SALL4: variants seen among roughly 807,000 people sequenced by gnomAD.
SALL4 encodes spalt like transcription factor 4, also known as sal-like protein 4.
Under a neutral mutation model 60.8 loss-of-function variants are expected in SALL4, and 4 were observed. The ratio of observed to expected loss-of-function variants is 0.07; its 90% CI spans 0.03 to 0.15. The LOEUF is 0.15. SALL4 is among the 10% of genes least tolerant of loss of function. SALL4 has a pLI of 1.00. For missense variants in SALL4, 1,178 were observed against 1,394.7 expected (o/e 0.84, Z 2.48); for synonymous variants, 580 against 574.9 (o/e 1.01, Z -0.13).
chr20:51,792,611 C>T, intron 1 of SALL4: 1 of 578,300 alleles, frequency 1.7e-6, no homozygotes, highest in Admixed American at 3.6e-5. Flanking sequence ...ATTGCTTGAA[C>T]CCAGGAGGCA....
rs2077970672 is a variant in SALL4, at chr20:51,783,857, C to G, written c.*408G>C. Reference sequence around the variant, plus strand: ...CCAACATGGTGAAACCCAGTCTCTACTCAAAATACAAAATTAGCCGGGCGT... The same window carrying G: ...CCAACATGGTGAAACCCAGTCTCTAGTCAAAATACAAAATTAGCCGGGCGT... On this transcript the variant is annotated 3_prime_UTR_variant, in exon 4 of 4. Transcript: ENST00000217086. 1.2e-5 allele frequency: 3 copies of G among 258,656 alleles called. No homozygotes were observed. The South Asian group carries it at 1.4e-4, about 12-fold the overall frequency. 16.0% of individuals were successfully genotyped at this position (258,656 alleles called of 1,614,324 possible).
At position 51,788,821 on chromosome 20, in the gene SALL4, T is replaced by C. The variant is rs370812128; in HGVS notation, c.2742+40A>G. ...CTTGTGCCAATAAGAAGACACCTGG[T>C]GCCTAGCCCCCATCCTGCTGAAAGC... On this transcript the variant is annotated intron_variant, in intron 3 of 3. Transcript: ENST00000217086. The surrounding 1 kb of genome is among the most constrained non-coding windows in gnomAD (Gnocchi z 4.1). 1.2e-6 allele frequency: 2 copies of C among 1,610,358 alleles called. No individual in the cohort carries two copies. The highest frequency in any genetic ancestry group is 2.7e-5 in the African/African-American group (2 of 74,918).
chr20:51,798,317 C>CT (rs1240535543), intron 1 of SALL4, among the ~76,000 whole-genome samples: 1 of 151,874 alleles, frequency 6.6e-6, no homozygotes, highest in Non-Finnish European at 1.5e-5. Context: ...CTTCTGTTTG[C>CT]TTCCAAGGTT....
intron 1 of SALL4, among the ~76,000 whole-genome samples, chr20:51,793,880 G>C (rs1342770952): frequency 2.0e-5 from 3 of 151,936 alleles, no homozygotes; most frequent in African/African-American, 7.3e-5. Flanking sequence ...GCTGGGGGTG[G>C]GTCAGGGGAA....
rs984320519 is a variant in SALL4, at chr20:51,801,109, G to A, written c.130+1170C>T. Among the ~76,000 whole-genome samples the A allele has an allele frequency of 6.6e-6, 1 of 152,032 alleles. No individual in the cohort carries two copies. Among genetic ancestry groups the A allele is most frequent in the Non-Finnish European group, 1.5e-5 (1 of 68,034 alleles). ...AGCGACGAACAAGGCCGGAGAGGAG[G>A]CTACAAATCCCCCCTCCCCCCACGC... is the stretch of plus-strand genomic sequence containing the variant. On this transcript the variant is annotated intron_variant, in intron 1 of 3. Coordinates refer to ENST00000217086, the MANE Select transcript of SALL4 (RefSeq NM_020436.5). This position sits in a 1 kb window ranked among gnomAD's most constrained non-coding sequence, Gnocchi z 5.2.
chr20:51,784,160 A>G lies in SALL4; in HGVS notation c.*105T>C, dbSNP rs370274295. 8 of 1,321,458 alleles carry G rather than the reference A, an allele frequency of 6.1e-6. No homozygotes were observed. The highest frequency in any genetic ancestry group is 2.9e-5 in the African/African-American group (2 of 69,198). The allele number at this position is 1,321,458 out of a possible 1,614,324, so 81.9% of individuals were successfully genotyped here. On this transcript the variant is annotated 3_prime_UTR_variant, in exon 4 of 4. Coordinates refer to ENST00000217086, the MANE Select transcript of SALL4 (RefSeq NM_020436.5). ...AACCAACGTAGTAAACATCATTTGCATATCAGTAAGAAAAAGAAAACAGGA... is the reference window on the plus strand; with the variant it reads ...AACCAACGTAGTAAACATCATTTGCGTATCAGTAAGAAAAAGAAAACAGGA...
intron 1 of SALL4, among the ~76,000 whole-genome samples, chr20:51,800,680 T>G (rs2078104049): frequency 6.6e-6 from 1 of 152,118 alleles, no homozygotes; most frequent in African/African-American, 2.4e-5. Context: ...TTAACCCTTT[T>G]GTTCCAGGTG....
rs149412142 is a variant in SALL4, at chr20:51,784,497, T to C, written c.2930A>G (p.Asn977Ser). The change falls in exon 4 of 4, where the codon AAT becomes AGT. Residue 977 changes from asparagine to serine, a missense_variant. This residue lies in a region of SALL4 where 174 missense variants were observed against 169.6 expected (regional missense o/e 1.03). Transcript: ENST00000217086. Reference sequence around the variant, plus strand: ...ATTGGTCTTCACGGCCAGACCGCCATTGAGCATGCTGGTGTACTGGTTCCA... The same window carrying C: ...ATTGGTCTTCACGGCCAGACCGCCACTGAGCATGCTGGTGTACTGGTTCCA... ...VVWNQYTSMLNGGLAVKTNEI... is the reference protein window; with the variant it reads ...VVWNQYTSMLSGGLAVKTNEI... 9 of 1,614,156 alleles carry C rather than the reference T, an allele frequency of 5.6e-6. No individual in the cohort carries two copies. Among genetic ancestry groups the C allele is most frequent in the South Asian group, 2.2e-5 (2 of 91,070 alleles).
In SALL4 at chr20:51,801,776, A is replaced by T. The variant is rs370056007; in HGVS notation, c.130+503T>A. 9.9e-5 allele frequency among the ~76,000 whole-genome samples: 15 copies of T among 151,802 alleles called. 2 individuals carry two copies. Among genetic ancestry groups the T allele is most frequent in the East Asian group, 2.0e-4 (1 of 5,064 alleles). ...GGCCCGGGAGGGGCGCGTGCAACAG[A>T]TCGTCCTCCTCCGGGGGGTCTTCCA... On this transcript the variant is annotated intron_variant, in intron 1 of 3. Coordinates refer to ENST00000217086, the MANE Select transcript of SALL4 (RefSeq NM_020436.5). The surrounding 1 kb of genome is among the most constrained non-coding windows in gnomAD (Gnocchi z 5.2).
At chr20:51,787,746 A>C (rs546667922) in intron 3 of SALL4, among the ~76,000 whole-genome samples, 1 of 151,954 alleles carries the variant, frequency 6.6e-6, no homozygotes, top group African/African-American at 2.4e-5. Context: ...GGGTCAAGTG[A>C]TCCTCGCACC....
At chr20:51,793,994 C>G (rs1268049504) in intron 1 of SALL4, among the ~76,000 whole-genome samples, 1 of 152,082 alleles carries the variant, frequency 6.6e-6, no homozygotes, top group Non-Finnish European at 1.5e-5. Context: ...ATAGGCAAGT[C>G]GGCACACCCC....
intron 2 of SALL4, 48 bp from the exon 3 acceptor site, chr20:51,789,189 ATTCT>A: frequency 6.2e-7 from 1 of 1,603,316 alleles, no homozygotes; most frequent in African/African-American, 1.3e-5. Flanking sequence ...TCCAACCTTC[ATTCT>A]TTCTCTTCAA....
At chr20:51,793,994 C>T (rs1268049504) in intron 1 of SALL4, among the ~76,000 whole-genome samples, 1 of 152,082 alleles carries the variant, frequency 6.6e-6, no homozygotes, top group African/African-American at 2.4e-5. Context: ...ATAGGCAAGT[C>T]GGCACACCCC....
Position 51,792,012 on chromosome 20 carries a change from T to C in SALL4, c.471A>G (p.Thr157=), listed in dbSNP as rs767363501. The change falls in exon 2 of 4, where the codon ACA becomes ACG. Residue 157 remains threonine (T), a synonymous_variant. Transcript: ENST00000217086. The part of the protein sequence containing the change: ...PDAESVVYLK[T]ETALPPTPQD... ...GGGGGGTGGGTGGCAGGGCTGTCTC[T>C]GTCTTTAGGTACACCACAGACTCCG... 3.1e-6 allele frequency: 5 copies of C among 1,614,176 alleles called. No individual in the cohort carries two copies. Among genetic ancestry groups the C allele is most frequent in the Non-Finnish European group, 4.2e-6 (5 of 1,180,022 alleles).
intron 3 of SALL4, among the ~76,000 whole-genome samples, chr20:51,786,887 G>C (rs1268105867): frequency 6.6e-6 from 1 of 152,072 alleles, no homozygotes. Context: ...CTGAGGTCAG[G>C]AGTTTGAGAC....
chr20:51,794,714 A>T (rs1385239034), intron 1 of SALL4, among the ~76,000 whole-genome samples: 2 of 152,052 alleles, frequency 1.3e-5, no homozygotes, highest in African/African-American at 4.8e-5. Context: ...TATATTAACA[A>T]CTCTGAAATA....
chr20:51,799,852 G>C (rs192768135), intron 1 of SALL4, among the ~76,000 whole-genome samples: 67 of 152,244 alleles, frequency 4.4e-4, no homozygotes, highest in African/African-American at 1.6e-3. Context: ...ATCGCCAGAC[G>C]TCATTTTCCT....
intron 1 of SALL4, among the ~76,000 whole-genome samples, chr20:51,802,038 T>C (rs2078113369): frequency 3.4e-5 from 5 of 145,500 alleles, no homozygotes; most frequent in Admixed American, 3.4e-4. Flanking sequence ...ATTTTACAAT[T>C]AGGGGAGAAA....
In SALL4 at chr20:51,792,111, G is replaced by A; in HGVS notation, c.372C>T (p.Pro124=). 1 of 1,614,206 alleles carries A rather than the reference G, an allele frequency of 6.2e-7. No homozygotes were observed. The highest frequency in any genetic ancestry group is 8.5e-7 in the Non-Finnish European group (1 of 1,180,044). ...GACAGTCCTTACTGCCGGGACTGGT[G>A]GGCTGGTGGCTCAGTACAGCTCCGG... is the stretch of plus-strand genomic sequence containing the variant. The part of the protein sequence containing the change: ...DFSGAVLSHQ[P]TSPGSKDCHR... Residue 124 remains proline, a synonymous_variant, in exon 2 of 4, where the codon CCC becomes CCT. Transcript: ENST00000217086.
Sources: allele counts gnomAD v4.1 joint callset (sites outside exome capture counted in the v4.1 genomes callset), GRCh38; gene constraint gnomAD v4.1.1; regional missense constraint gnomAD v4.1.1; non-coding constraint Gnocchi (gnomAD v3.1); transcripts MANE v1.5; gene names NCBI Gene and HGNC (gene_info 2026-07-23, HGNC 2026-07-21).